KLK3: variants seen among roughly 807,000 people sequenced by gnomAD.
KLK3 encodes kallikrein related peptidase 3.
Under a neutral mutation model 27.7 loss-of-function variants are expected in KLK3, and 23 were observed. That is an observed-to-expected ratio of 0.83 (90% CI 0.60 to 1.17). KLK3 has a LOEUF of 1.17. Among genes scored for constraint, KLK3 ranks in the 50% most tolerant of loss-of-function variants. The pLI is 0.00. For missense variants in KLK3, 322 were observed against 338.1 expected (o/e 0.95, Z 0.37); for synonymous variants, 142 against 134.2 (o/e 1.06, Z -0.40).
chr19:50,859,981 G>A lies in KLK3; in HGVS notation c.640G>A (p.Gly214Arg), dbSNP rs2123462487. 6.2e-7 allele frequency: 1 copy of A among 1,612,610 alleles called. No homozygotes were observed. Among genetic ancestry groups the A allele is most frequent in the Admixed American group, 1.7e-5 (1 of 59,900 alleles). ...GGKSTCSGDS[G>R]GPLVCNGVLQ... is the part of the protein sequence containing the mutation. The stretch of plus-strand genomic sequence containing the variant: ...CTGCTTTTACCCTTAGGGTGATTCT[G>A]GGGGCCCACTTGTCTGTAATGGTGT... The change falls in exon 5 of 5, where the codon GGG becomes AGG. Residue 214 changes from glycine to arginine, a missense_variant. Coordinates refer to ENST00000326003, the MANE Select transcript of KLK3 (RefSeq NM_001648.2).
Position 50,858,035 on chromosome 19 carries a change from C to T in KLK3, c.213C>T (p.Ser71=), listed in dbSNP as rs756104515. The change falls in exon 3 of 5, where the codon AGC becomes AGT. Residue 71 remains serine (S), a synonymous_variant. Transcript: ENST00000326003. ...LTAAHCIRNK[S]VILLGRHSLF... Reference sequence around the variant, plus strand: ...GCGTCTGCTTCCTCCCCAGCAAAAGCGTGATCTTGCTGGGTCGGCACAGCC... The same window carrying T: ...GCGTCTGCTTCCTCCCCAGCAAAAGTGTGATCTTGCTGGGTCGGCACAGCC... The T allele has an allele frequency of 5.6e-6, 9 of 1,608,086 alleles. No individual in the cohort carries two copies. Among genetic ancestry groups the T allele is most frequent in the South Asian group, 1.1e-5 (1 of 90,458 alleles).
At position 50,860,111 on chromosome 19, in the gene KLK3, T is replaced by A. The variant is rs927948898; in HGVS notation, c.770T>A (p.Ile257Asn). The A allele has an allele frequency of 3.7e-6, 6 of 1,613,518 alleles. No individual in the cohort carries two copies. In the East Asian group the frequency reaches 6.7e-5, roughly 18 times the overall value. ...VHYRKWIKDT[I>N]VANP is the part of the protein sequence containing the mutation. ...TACCGGAAGTGGATCAAGGACACCA[T>A]CGTGGCCAACCCCTGAGCACCCCTA... The change falls in exon 5 of 5, where the codon ATC (isoleucine) becomes AAC (asparagine). Residue 257 changes from isoleucine (I) to asparagine (N), a missense_variant. Coordinates refer to ENST00000326003, the MANE Select transcript of KLK3 (RefSeq NM_001648.2).
intron 2 of KLK3, chr19:50,857,736 T>G: frequency 3.1e-6 from 1 of 325,258 alleles, no homozygotes; most frequent in Non-Finnish European, 5.6e-6. Context: ...CCTGTGTATT[T>G]TCGGCTCACC....
intron 4 of KLK3, chr19:50,859,482 C>A: frequency 6.6e-7 from 1 of 1,504,030 alleles, no homozygotes. Context: ...CTCACAGGCT[C>A]CTGGCCCTCA....
chr19:50,859,779 G>A (rs1263988889), intron 4 of KLK3, 193 bp from the exon 5 acceptor site: 2 of 1,470,814 alleles, frequency 1.4e-6, no homozygotes, highest in African/African-American at 2.8e-5. Context: ...CCACCGGCCA[G>A]GACTGGAGCC....
intron 1 of KLK3, chr19:50,855,940 C>T (rs1173307874): frequency 1.9e-5 from 5 of 256,992 alleles, no homozygotes; most frequent in African/African-American, 1.1e-4. Context: ...AGGACCCAAT[C>T]CCCAGACTCA....
chr19:50,859,737 C>A, intron 4 of KLK3: 1 of 1,522,622 alleles, frequency 6.6e-7, no homozygotes, highest in Admixed American at 1.9e-5. Flanking sequence ...ACCCTCCCCT[C>A]TGCACAGGAG....
At chr19:50,859,588 C>T (rs867586023) in intron 4 of KLK3, 1 of 1,613,696 alleles carries the variant, frequency 6.2e-7, no homozygotes, top group Non-Finnish European at 8.5e-7. Flanking sequence ...CTCCATGGCT[C>T]CCTAGTGCCC....
chr19:50,856,535 T>A, intron 2 of KLK3, 136 bp downstream of exon 2: 1 of 1,123,532 alleles, frequency 8.9e-7, no homozygotes, highest in Non-Finnish European at 1.2e-6. Context: ...TCAGGTCACA[T>A]GGGGAGGCAG....
At chr19:50,855,500 C>G (rs1259177784) in intron 1 of KLK3, 1 of 158,428 alleles carries the variant, frequency 6.3e-6, no homozygotes, top group African/African-American at 2.4e-5. Flanking sequence ...AGATGCCAAC[C>G]AGACACCTCC....
intron 2 of KLK3, 52 bp from the exon 3 acceptor site, chr19:50,857,977 T>C (rs1237349393): frequency 1.3e-6 from 2 of 1,546,220 alleles, no homozygotes; most frequent in Non-Finnish European, 8.7e-7. Context: ...CTGTCCCTTC[T>C]CTCTTTCCTT....
At chr19:50,855,506 C>T (rs912504965) in intron 1 of KLK3, 5 of 157,732 alleles carry the variant, frequency 3.2e-5, no homozygotes, top group African/African-American at 1.2e-4. Context: ...CAACCAGACA[C>T]CTCCTTCTTC....
In KLK3 at chr19:50,860,335, A is replaced by G. The variant is rs2090177654; in HGVS notation, c.*208A>G. The G allele has an allele frequency of 2.1e-6, 1 of 481,020 alleles. No individual in the cohort carries two copies. Among genetic ancestry groups the G allele is most frequent in the African/African-American group, 1.9e-5 (1 of 51,440 alleles). 29.8% of individuals were successfully genotyped at this position (481,020 alleles called of 1,614,324 possible). ...CTCTGTGTCCTGGGGAATACTGGCC[A>G]TGCCTGGAGACATATCACTCAATTT... On this transcript the variant is annotated 3_prime_UTR_variant, in exon 5 of 5. Coordinates refer to ENST00000326003, the MANE Select transcript of KLK3 (RefSeq NM_001648.2).
In KLK3 at chr19:50,860,531, G is replaced by T. The variant is rs1442159820; in HGVS notation, c.*404G>T. On this transcript the variant is annotated 3_prime_UTR_variant, in exon 5 of 5. Coordinates refer to ENST00000326003, the MANE Select transcript of KLK3 (RefSeq NM_001648.2). ...GCACCAGACACTCACAGCAAGGATG[G>T]AGCTGAAAACATAACCCACTCTGTC... 1 of 157,110 alleles carries T rather than the reference G, an allele frequency of 6.4e-6. No homozygotes were observed. The allele number at this position is 157,110 out of a possible 1,614,324, so 9.7% of individuals were successfully genotyped here. A position where few individuals can be genotyped will look rare whatever the true frequency, so the allele number is the denominator to read the frequency against.
chr19:50,857,696 TTCTC>T (rs2090158169), intron 2 of KLK3: 1 of 221,396 alleles, frequency 4.5e-6, no homozygotes, highest in African/African-American at 2.3e-5. Context: ...CCATGTCTGT[TTCTC>T]TATGTTTCTG....
chr19:50,859,740 C>A, intron 4 of KLK3: 1 of 1,517,052 alleles, frequency 6.6e-7, no homozygotes, highest in South Asian at 1.3e-5. Context: ...CTCCCCTCTG[C>A]ACAGGAGCTG....
At chr19:50,855,065 C>G (rs2090138132) in intron 1 of KLK3, 64 bp downstream of exon 1, 1 of 1,561,060 alleles carries the variant, frequency 6.4e-7, no homozygotes, top group African/African-American at 1.4e-5. Flanking sequence ...CAAGCTGAGG[C>G]TCTTTCCCCC....
At chr19:50,856,930 A>T (rs995930907) in intron 2 of KLK3, among the ~76,000 whole-genome samples, 1 of 152,066 alleles carries the variant, frequency 6.6e-6, no homozygotes, top group African/African-American at 2.4e-5. Context: ...TGGGAGGCCA[A>T]GGCAGGTAGA....
At position 50,860,271 on chromosome 19, in the gene KLK3, G is replaced by A. The variant is rs2090177291; in HGVS notation, c.*144G>A. 2 of 623,396 alleles carry A rather than the reference G, an allele frequency of 3.2e-6. No homozygotes were observed. Among genetic ancestry groups the A allele is most frequent in the East Asian group, 2.7e-5 (1 of 36,932 alleles). The allele number at this position is 623,396 out of a possible 1,614,324, so 38.6% of individuals were successfully genotyped here. On this transcript the variant is annotated 3_prime_UTR_variant, in exon 5 of 5. Coordinates refer to ENST00000326003, the MANE Select transcript of KLK3 (RefSeq NM_001648.2). ...GGAAAAGAAATCAGCAGACACAGGTGTAGACCAGAGTGTTTCTTAAATGGT... is the reference window on the plus strand; with the variant it reads ...GGAAAAGAAATCAGCAGACACAGGTATAGACCAGAGTGTTTCTTAAATGGT...
Sources: allele counts gnomAD v4.1 joint callset (sites outside exome capture counted in the v4.1 genomes callset), GRCh38; gene constraint gnomAD v4.1.1; transcripts MANE v1.5; gene names NCBI Gene and HGNC (gene_info 2026-07-23, HGNC 2026-07-21).